Variants in GULP1 observed in about 807,000 individuals in gnomAD.
GULP1 encodes the protein GULP PTB domain containing engulfment adaptor 1.
Under a neutral mutation model 40.9 loss-of-function variants are expected in GULP1, and 19 were observed. That is an observed-to-expected ratio of 0.46 (90% confidence interval 0.32 to 0.68). GULP1 has a LOEUF of 0.68. Among genes scored for constraint, GULP1 ranks in the 30% least tolerant of loss-of-function variants. The probability of loss-of-function intolerance (pLI) is 0.03; values close to 1 mark genes in which losing one functional copy is unlikely to be tolerated. For missense variants in GULP1, 312 were observed against 362.2 expected (o/e 0.86, Z 1.12); for synonymous variants, 119 against 117.6 (o/e 1.01, Z -0.08).
chr2:188,557,280 A>C (rs1695010399), intron 7 of GULP1, among the ~76,000 whole-genome samples: 1 of 152,220 alleles, frequency 6.6e-6, no homozygotes, highest in South Asian at 2.1e-4. Flanking sequence ...ATCTCATCTG[A>C]GACAAGGGAA....
intron 2 of GULP1, among the ~76,000 whole-genome samples, chr2:188,437,470 A>G (rs1384659672): frequency 6.6e-6 from 1 of 152,132 alleles, no homozygotes; most frequent in East Asian, 1.9e-4. Context: ...TCAGTGTAAA[A>G]TACTTTTTTA....
intron 1 of GULP1, among the ~76,000 whole-genome samples, chr2:188,310,507 A>G (rs1472449365): frequency 6.6e-6 from 1 of 152,224 alleles, no homozygotes; most frequent in Non-Finnish European, 1.5e-5. Context: ...ATTGCAGTAA[A>G]ATTCACCAAG....
At chr2:188,363,731 A>G (rs1411221217) in intron 1 of GULP1, among the ~76,000 whole-genome samples, 1 of 152,144 alleles carries the variant, frequency 6.6e-6, no homozygotes, top group African/African-American at 2.4e-5. Flanking sequence ...ATTTGATGAC[A>G]ATGTAGAGAG....
chr2:188,419,199 A>G (rs778297633), intron 2 of GULP1, among the ~76,000 whole-genome samples: 5 of 152,140 alleles, frequency 3.3e-5, no homozygotes, highest in Non-Finnish European at 7.4e-5. Context: ...CCTGATTTCA[A>G]TTATTTTGGA....
chr2:188,392,114 A>C (rs2050608919), intron 2 of GULP1, among the ~76,000 whole-genome samples: 1 of 152,004 alleles, frequency 6.6e-6, no homozygotes, highest in Admixed American at 6.6e-5. Flanking sequence ...TCAGGGTGAT[A>C]CTGGCTTCAT....
chr2:188,584,481 A>T (rs1701964051), intron 10 of GULP1, 78 bp downstream of exon 10: 1 of 666,792 alleles, frequency 1.5e-6, no homozygotes, highest in African/African-American at 1.9e-5. Flanking sequence ...TTTGTGGGAA[A>T]TTACATATCT....
intron 4 of GULP1, among the ~76,000 whole-genome samples, chr2:188,486,937 A>G (rs544517753): frequency 6.6e-6 from 1 of 152,054 alleles, no homozygotes; most frequent in South Asian, 2.1e-4. Flanking sequence ...AAAAAAGGTG[A>G]TTGCAGTTCA....
At chr2:188,544,885 T>C (rs1364730572) in intron 7 of GULP1, among the ~76,000 whole-genome samples, 2 of 152,050 alleles carry the variant, frequency 1.3e-5, no homozygotes, top group African/African-American at 4.8e-5. Context: ...TCTAAAATAC[T>C]GAGTGATCTC....
intron 2 of GULP1, among the ~76,000 whole-genome samples, chr2:188,461,766 T>C (rs906859258): frequency 1.3e-5 from 2 of 152,208 alleles, no homozygotes; most frequent in Non-Finnish European, 2.9e-5. Context: ...ATTCTTTGAA[T>C]TTCTGGGATA....
intron 7 of GULP1, among the ~76,000 whole-genome samples, chr2:188,565,217 A>G (rs763411964): frequency 1.7e-4 from 26 of 152,014 alleles, no homozygotes; most frequent in Non-Finnish European, 3.2e-4. Flanking sequence ...ATCAAAAATA[A>G]AACATTTTCT....
At chr2:188,435,648 A>G (rs997173750) in intron 2 of GULP1, among the ~76,000 whole-genome samples, 33 of 152,048 alleles carry the variant, frequency 2.2e-4, no homozygotes, top group Non-Finnish European at 8.8e-5. Context: ...AGGCTGAAAT[A>G]AAGGAGTTTT....
chr2:188,394,077 A>AG (rs1228551298), intron 2 of GULP1, among the ~76,000 whole-genome samples: 1 of 152,264 alleles, frequency 6.6e-6, no homozygotes, highest in East Asian at 1.9e-4. Context: ...ATCTCTGGCA[A>AG]GGCCAGGAAA....
chr2:188,386,706 G>A (rs1472699777), intron 2 of GULP1, among the ~76,000 whole-genome samples: 2 of 151,980 alleles, frequency 1.3e-5, no homozygotes, highest in Non-Finnish European at 2.9e-5. Flanking sequence ...TATTGTTATT[G>A]CTGAGTTTAC....
intron 1 of GULP1, among the ~76,000 whole-genome samples, chr2:188,361,520 T>C (rs772824869): frequency 3.9e-5 from 6 of 152,090 alleles, no homozygotes; most frequent in Non-Finnish European, 2.9e-5. Context: ...GTGGAAATGA[T>C]GTGATATTAT....
At chr2:188,578,327 T>C (rs1700564988) in intron 9 of GULP1, among the ~76,000 whole-genome samples, 1 of 151,908 alleles carries the variant, frequency 6.6e-6, no homozygotes, top group Middle Eastern at 3.2e-3. Context: ...GGTTGAAATA[T>C]TCACCATTGC....
At chr2:188,368,943 A>ATATATATATATATATATATATGTG (rs2047210013) in intron 1 of GULP1, among the ~76,000 whole-genome samples, 2 of 10,734 alleles carry the variant, frequency 1.9e-4, no homozygotes, top group South Asian at 3.0e-3. Context: ...ATGTGTGTAT[A>ATATATATATATATATATATATGTG]TATATATATA....
In GULP1 at chr2:188,443,906, A is replaced by G. The variant is rs1057130141; in HGVS notation, c.-44-33753A>G. Reference sequence around the variant, plus strand: ...TTTAAATATTTCAATTAAGAGTAGTAATTCTCATCATATTTGTTTTTCTTC... The same window carrying G: ...TTTAAATATTTCAATTAAGAGTAGTGATTCTCATCATATTTGTTTTTCTTC... On this transcript the variant is annotated intron_variant, in intron 2 of 11. Transcript: ENST00000409830. Among the ~76,000 whole-genome samples the G allele has an allele frequency of 2.0e-5, 3 of 152,162 alleles. No homozygotes were observed. In the East Asian group the frequency reaches 5.8e-4, roughly 29 times the overall value.
intron 4 of GULP1, among the ~76,000 whole-genome samples, chr2:188,485,759 C>CAAGT (rs2061811520): frequency 6.6e-6 from 1 of 152,006 alleles, no homozygotes; most frequent in African/African-American, 2.4e-5. Flanking sequence ...AGTAATTTCT[C>CAAGT]ACTTGAGTTG....
intron 2 of GULP1, among the ~76,000 whole-genome samples, chr2:188,475,908 G>A (rs926796643): frequency 6.6e-6 from 1 of 152,088 alleles, no homozygotes; most frequent in African/African-American, 2.4e-5. Flanking sequence ...TACAGTAATT[G>A]AAAATGCATA....
Sources: allele counts gnomAD v4.1 joint callset (sites outside exome capture counted in the v4.1 genomes callset), GRCh38; gene constraint gnomAD v4.1.1; transcripts MANE v1.5; gene names NCBI Gene and HGNC (gene_info 2026-07-23, HGNC 2026-07-21).